Variants in CTNNA2 observed in about 807,000 individuals in gnomAD.
CTNNA2 encodes the protein catenin alpha 2, also known as catenin alpha-2.
A neutral mutation model predicts 101.0 loss-of-function variants in CTNNA2; 42 were observed. The ratio of observed to expected loss-of-function variants is 0.42; its 90% CI spans 0.32 to 0.54. The LOEUF (loss-of-function observed/expected upper bound fraction) is 0.54. Ranked by LOEUF, CTNNA2 falls within the 20% of genes least tolerant of loss-of-function variation. The pLI is 0.14. For missense variants in CTNNA2, 871 were observed against 1,223.1 expected (o/e 0.71, Z 4.29); for synonymous variants, 450 against 456.4 (o/e 0.99, Z 0.18).
chr2:80,625,596 A>G (rs922676404), intron 18 of CTNNA2, among the ~76,000 whole-genome samples: 7 of 152,114 alleles, frequency 4.6e-5, no homozygotes, highest in Non-Finnish European at 8.8e-5. Flanking sequence ...TAAGCTAGTT[A>G]TAACAGGGAA....
At chr2:80,353,360 C>T (rs1441259145) in intron 7 of CTNNA2, among the ~76,000 whole-genome samples, 2 of 152,094 alleles carry the variant, frequency 1.3e-5, no homozygotes, top group South Asian at 2.1e-4. Context: ...TATGTGGTAG[C>T]TTGGCATAAG....
chr2:79,279,477 T>G (rs1675304090), intron 2 of CTNNA2, among the ~76,000 whole-genome samples: 1 of 152,048 alleles, frequency 6.6e-6, no homozygotes, highest in Admixed American at 6.6e-5. Flanking sequence ...TGCCCCCAAC[T>G]TCCAGTTACT....
At chr2:79,236,647 AC>A (rs1375289512) in intron 2 of CTNNA2, among the ~76,000 whole-genome samples, 4 of 152,228 alleles carry the variant, frequency 2.6e-5, no homozygotes, top group African/African-American at 9.6e-5. Context: ...AAACCCTGAC[AC>A]TATTTTATCA....
At chr2:79,941,364 A>C (rs1386951579) in intron 7 of CTNNA2, among the ~76,000 whole-genome samples, 1 of 152,122 alleles carries the variant, frequency 6.6e-6, no homozygotes, top group Non-Finnish European at 1.5e-5. Context: ...TTATTCCTGT[A>C]CTGCTCCAGT....
chr2:80,279,049 C>CGTGTGTGTGTGTGTGTGTGT (rs3219982), intron 7 of CTNNA2, among the ~76,000 whole-genome samples: 144 of 135,810 alleles, frequency 1.1e-3, no homozygotes, highest in African/African-American at 9.4e-4. Flanking sequence ...ATGACTTTTA[C>CGTGTGTGTGTGTGTGTGTGT]GTGTGTGTGT....
intron 2 of CTNNA2, among the ~76,000 whole-genome samples, chr2:79,726,056 A>G (rs564534226): frequency 5.7e-4 from 86 of 152,188 alleles, no homozygotes; most frequent in Non-Finnish European, 1.1e-3. Context: ...AGCAGTTTGC[A>G]ATTCACCAGG....
chr2:79,704,446 A>G (rs1027974942), intron 2 of CTNNA2, among the ~76,000 whole-genome samples: 6 of 151,998 alleles, frequency 3.9e-5, no homozygotes, highest in Non-Finnish European at 8.8e-5. Context: ...GTTTAACGGT[A>G]AATATCCTAG....
At chr2:80,489,237 G>A (rs1403766308) in intron 9 of CTNNA2, among the ~76,000 whole-genome samples, 1 of 152,086 alleles carries the variant, frequency 6.6e-6, no homozygotes, top group Admixed American at 6.6e-5. Flanking sequence ...TTCACAATGA[G>A]GCTTAAAATT....
In CTNNA2 at chr2:79,458,581, C is replaced by T. The variant is rs1242613004; in HGVS notation, c.-134-46473C>T. Among the ~76,000 whole-genome samples the T allele has an allele frequency of 4.6e-5, 7 of 152,212 alleles. No individual in the cohort carries two copies. In the East Asian group the frequency reaches 5.8e-4, roughly 13 times the overall value. On this transcript the variant is annotated intron_variant, in intron 4 of 21. Coordinates refer to the CTNNA2 transcript ENST00000466387. The stretch of plus-strand genomic sequence containing the variant: ...TGTGGTTTTCTAGTTCACCCTAGCA[C>T]GAGCCCATCAAAAGGCCATTATTTT...
At chr2:80,032,047 G>A (rs574795409) in intron 7 of CTNNA2, among the ~76,000 whole-genome samples, 34 of 152,284 alleles carry the variant, frequency 2.2e-4, no homozygotes, top group African/African-American at 7.5e-4. Context: ...AACACAAGAA[G>A]GAGAAAGAAA....
chr2:79,535,797 A>C (rs979860256), intron 1 of CTNNA2, among the ~76,000 whole-genome samples: 4 of 152,184 alleles, frequency 2.6e-5, no homozygotes, highest in African/African-American at 9.7e-5. Context: ...AGATAACAGC[A>C]GGGAGATAGT....
chr2:79,226,762 G>C (rs573228069), intron 2 of CTNNA2, among the ~76,000 whole-genome samples: 41 of 152,080 alleles, frequency 2.7e-4, no homozygotes, highest in Non-Finnish European at 4.6e-4. Context: ...AAAGAAGATT[G>C]AATGTGAAAA....
intron 7 of CTNNA2, among the ~76,000 whole-genome samples, chr2:80,153,364 A>G (rs955883775): frequency 6.6e-6 from 1 of 152,342 alleles, no homozygotes; most frequent in African/African-American, 2.4e-5. Flanking sequence ...GAAGATGCTC[A>G]GTGGTTTTAA....
At chr2:79,804,524 T>A (rs950812824) in intron 3 of CTNNA2, among the ~76,000 whole-genome samples, 3 of 152,218 alleles carry the variant, frequency 2.0e-5, no homozygotes, top group African/African-American at 7.2e-5. Context: ...TTTTCTGTGA[T>A]GCAAAATTGA....
At chr2:79,345,516 C>T (rs1488356190) in intron 3 of CTNNA2, among the ~76,000 whole-genome samples, 2 of 152,164 alleles carry the variant, frequency 1.3e-5, no homozygotes, top group African/African-American at 4.8e-5. Context: ...CTCACTCACA[C>T]TTGTCCAGAG....
chr2:80,362,394 A>G (rs1674497594), intron 7 of CTNNA2, among the ~76,000 whole-genome samples: 1 of 152,138 alleles, frequency 6.6e-6, no homozygotes, highest in Admixed American at 6.5e-5. Flanking sequence ...AGAATTATTT[A>G]CTTTTTCTTT....
At chr2:79,567,505 C>T (rs1350782658) in intron 1 of CTNNA2, among the ~76,000 whole-genome samples, 2 of 151,976 alleles carry the variant, frequency 1.3e-5, no homozygotes, top group Non-Finnish European at 1.5e-5. Flanking sequence ...CCTAGACTAC[C>T]CTTCCCTTAT....
chr2:80,041,740 C>T (rs763764444), intron 7 of CTNNA2, among the ~76,000 whole-genome samples: 8 of 152,208 alleles, frequency 5.3e-5, no homozygotes, highest in Non-Finnish European at 1.0e-4. Context: ...ACTCAAAGCA[C>T]GATTTTCATC....
At chr2:80,531,409 A>C (rs1690529975) in intron 9 of CTNNA2, among the ~76,000 whole-genome samples, 1 of 152,234 alleles carries the variant, frequency 6.6e-6, no homozygotes, top group Admixed American at 6.5e-5. Flanking sequence ...TGGATATCCA[A>C]GAAGGATACG....
Sources: allele counts gnomAD v4.1 joint callset (sites outside exome capture counted in the v4.1 genomes callset), GRCh38; gene constraint gnomAD v4.1.1; transcripts MANE v1.5; gene names NCBI Gene and HGNC (gene_info 2026-07-23, HGNC 2026-07-21).